ZNF329: variants seen among roughly 807,000 people sequenced by gnomAD.
ZNF329 encodes the protein zinc finger protein 329.
In ZNF329, 15 loss-of-function variants were observed where a neutral mutation model predicts 26.6. The ratio of observed to expected loss-of-function variants is 0.56; its 90% CI spans 0.38 to 0.87. The LOEUF (loss-of-function observed/expected upper bound fraction) is 0.87. Among genes scored for constraint, ZNF329 ranks in the 40% least tolerant of loss-of-function variants. The pLI, the probability that ZNF329 is intolerant of heterozygous loss-of-function variation, is 0.00. For missense variants in ZNF329, 651 were observed against 651.9 expected (o/e 1.00, Z 0.02); for synonymous variants, 239 against 233.5 (o/e 1.02, Z -0.21).
At chr19:58,132,731 C>CAACT (rs2074976050) in intron 3 of ZNF329, 1 of 151,548 alleles carries the variant, frequency 6.6e-6, no homozygotes, top group Admixed American at 6.6e-5. Flanking sequence ...TACCACCCAG[C>CAACT]AGTTCCACTG....
At chr19:58,129,702 A>T (rs1451556000) in intron 3 of ZNF329, among the ~76,000 whole-genome samples, 191 bp from the exon 4 acceptor site, 1 of 152,246 alleles carries the variant, frequency 6.6e-6, no homozygotes, top group Non-Finnish European at 1.5e-5. Flanking sequence ...AAAAAGAGCC[A>T]TGTAGCATTT....
chr19:58,141,564 C>A (rs112500696), intron 3 of ZNF329, among the ~76,000 whole-genome samples: 1 of 151,934 alleles, frequency 6.6e-6, no homozygotes, highest in Non-Finnish European at 1.5e-5. Flanking sequence ...CAAAGTGCTG[C>A]GATTACAGGC....
intron 3 of ZNF329, chr19:58,136,900 T>A: frequency 1.1e-5 from 2 of 185,724 alleles, no homozygotes. Context: ...ATGGTCTTGT[T>A]GGCTTCACTG....
rs565319294 is a variant in ZNF329 at position 58,146,911 on chromosome 19, C to G, written c.-207-3713G>C. Among the ~76,000 whole-genome samples the G allele has an allele frequency of 4.6e-4, 70 of 152,108 alleles. 1 individual carries two copies. In the South Asian group the frequency reaches 0.014, roughly 31 times the overall value. On this transcript the variant is annotated intron_variant, in intron 1 of 3. Coordinates refer to ENST00000598312, the MANE Select transcript of ZNF329 (RefSeq NM_024620.4). ...GATCTTGGCTTGCTACAACCTCCAC[C>G]TCCCAGCCACCTGCCTTGGCCTCCC...
intron 3 of ZNF329, among the ~76,000 whole-genome samples, chr19:58,140,264 G>A (rs1253954134): frequency 2.6e-5 from 4 of 152,028 alleles, no homozygotes; most frequent in African/African-American, 9.7e-5. Flanking sequence ...TAGACTTAGG[G>A]CTTTAGAATT....
chr19:58,141,794 GAGGC>G (rs1410600194), intron 3 of ZNF329, among the ~76,000 whole-genome samples: 2 of 152,048 alleles, frequency 1.3e-5, no homozygotes, highest in Non-Finnish European at 2.9e-5. Context: ...TCGGAAGACT[GAGGC>G]AGGAGAATCG....
intron 3 of ZNF329, among the ~76,000 whole-genome samples, chr19:58,131,119 ATGTGTGTG>A (rs144702980): frequency 4.0e-5 from 6 of 150,056 alleles, no homozygotes; most frequent in Admixed American, 3.3e-4. Context: ...ATATGTGTAT[ATGTGTGTG>A]TGTGTGTGTG....
At chr19:58,151,352 G>A (rs761026315), upstream of ZNF329, among the ~76,000 whole-genome samples, 1 of 152,118 alleles carries the variant, frequency 6.6e-6, no homozygotes, top group Admixed American at 6.6e-5. Context: ...GGAGCAATAG[G>A]GGGTGGTTAA....
chr19:58,149,179 G>A (rs2075393774), intron 1 of ZNF329, among the ~76,000 whole-genome samples: 1 of 152,168 alleles, frequency 6.6e-6, no homozygotes, highest in Non-Finnish European at 1.5e-5. Flanking sequence ...GAAACATCAG[G>A]AAGTTACCCT....
At chr19:58,147,627 C>T (rs2075352204) in intron 1 of ZNF329, among the ~76,000 whole-genome samples, 1 of 146,260 alleles carries the variant, frequency 6.8e-6, no homozygotes, top group Non-Finnish European at 1.5e-5. Context: ...GCCAGACGCC[C>T]CGTCCAGGAG....
upstream of ZNF329, among the ~76,000 whole-genome samples, chr19:58,151,676 CTG>C (rs2075457315): frequency 6.7e-6 from 1 of 149,354 alleles, no homozygotes; most frequent in African/African-American, 2.5e-5. Context: ...GAAAAGTAAA[CTG>C]TGCACTTATC....
Position 58,131,112 on chromosome 19 carries a change from T to C in ZNF329, c.-8-1601A>G, listed in dbSNP as rs1600053597. Among the ~76,000 whole-genome samples, 4 of 146,418 alleles carry C rather than the reference T, an allele frequency of 2.7e-5. No individual in the cohort carries two copies. The South Asian group carries it at 8.8e-4, about 32-fold the overall frequency. ...CAATTTAAATATATATACATGTATA[T>C]GTGTATATGTGTGTGTGTGTGTGTG... is the stretch of plus-strand genomic sequence containing the variant. On this transcript the variant is annotated intron_variant, in intron 3 of 3. Coordinates refer to ENST00000598312, the MANE Select transcript of ZNF329 (RefSeq NM_024620.4).
rs1236115882 is a variant in ZNF329, at chr19:58,128,345, T to C, written c.1159A>G (p.Ile387Val). The C allele has an allele frequency of 6.2e-7, 1 of 1,614,146 alleles. No individual in the cohort carries two copies. The highest frequency in any genetic ancestry group is 8.5e-7 in the Non-Finnish European group (1 of 1,180,026). Residue 387 changes from isoleucine to valine, a missense_variant, in exon 4 of 4, where the codon ATT becomes GTT. Physicochemically the swap from Ile to Val is conservative, Grantham distance 29. Coordinates refer to ENST00000598312, the MANE Select transcript of ZNF329 (RefSeq NM_024620.4). Reference protein sequence around the residue: ...GKSFNRNSHLIVHQKIHSGEK... With the variant: ...GKSFNRNSHLVVHQKIHSGEK... ...CCAGAATGGATCTTTTGATGCACAA[T>C]GAGGTGAGAGTTTCTGTTGAAGGAT...
In ZNF329 at chr19:58,128,495, G is replaced by C; in HGVS notation, c.1009C>G (p.His337Asp). The C allele has an allele frequency of 6.2e-7, 1 of 1,613,960 alleles. No homozygotes were observed. Among genetic ancestry groups the C allele is most frequent in the South Asian group, 1.1e-5 (1 of 91,078 alleles). Residue 337 changes from histidine (H) to aspartate (D), a missense_variant, in exon 4 of 4, where the codon CAC becomes GAC. Physicochemically the swap from His to Asp is moderately conservative, Grantham distance 81 (BLOSUM62 -1). Coordinates refer to ENST00000598312, the MANE Select transcript of ZNF329 (RefSeq NM_024620.4). Reference sequence around the variant, plus strand: ...CACTCATAGGGCTTCTCACCGGTGTGGATTCTGAGATGCACTGTAAGGTGG... The same window carrying C: ...CACTCATAGGGCTTCTCACCGGTGTCGATTCTGAGATGCACTGTAAGGTGG... ...ISHLTVHLRI[H>D]TGEKPYECSK...
At chr19:58,148,996 C>T (rs1250980516) in intron 1 of ZNF329, among the ~76,000 whole-genome samples, 1 of 152,152 alleles carries the variant, frequency 6.6e-6, no homozygotes, top group Non-Finnish European at 1.5e-5. Context: ...ACAGTTAAGG[C>T]ATTCTAGGTC....
At chr19:58,149,778 T>C (rs958365818) in intron 1 of ZNF329, among the ~76,000 whole-genome samples, 1 of 152,178 alleles carries the variant, frequency 6.6e-6, no homozygotes, top group Non-Finnish European at 1.5e-5. Flanking sequence ...AAGGTTTAGG[T>C]TGCATTTGTC....
chr19:58,152,784 G>A (rs2075480776), upstream of ZNF329, among the ~76,000 whole-genome samples: 1 of 152,054 alleles, frequency 6.6e-6, no homozygotes, highest in South Asian at 2.1e-4. Context: ...CTGAATCCTG[G>A]AGGCGGAGGT....
intron 1 of ZNF329, among the ~76,000 whole-genome samples, chr19:58,149,255 C>T (rs2075395190): frequency 1.3e-5 from 2 of 152,134 alleles, no homozygotes; most frequent in African/African-American, 4.8e-5. Flanking sequence ...AAGAAATAAC[C>T]ATAAAAATGG....
upstream of ZNF329, among the ~76,000 whole-genome samples, chr19:58,154,282 T>C (rs1180411222): frequency 6.6e-6 from 1 of 152,184 alleles, no homozygotes; most frequent in Non-Finnish European, 1.5e-5. Context: ...GTGCCGGGAT[T>C]ACAGGCGTCA....
Sources: gnomAD v4.1 joint callset for allele counts (sites outside exome capture counted in the v4.1 genomes callset) on GRCh38, gnomAD v4.1.1 for gene constraint, MANE v1.5 for transcripts, NCBI Gene and HGNC (gene_info 2026-07-23, HGNC 2026-07-21) for gene names.